The following ERICH1 variants were observed in gnomAD, a reference collection of about 807,000 sequenced individuals.
ERICH1 encodes the protein glutamate-rich protein 1.
A neutral mutation model predicts 39.6 loss-of-function variants in ERICH1; 56 were observed. The observed-to-expected ratio is 1.41, with a 90% confidence interval of 1.14 to 1.77. The LOEUF is 1.77. Among genes scored for constraint, ERICH1 ranks in the 40% most tolerant of loss-of-function variants. ERICH1 has a pLI of 0.00. For synonymous variants in ERICH1, 313 were observed against 223.6 expected, an observed-to-expected ratio of 1.40 and a Z score of -3.57; for missense variants, 826 against 575.4, an observed-to-expected ratio of 1.44 and a Z score of -4.45.
rs949825696 is a variant in ERICH1 at position 674,192 on chromosome 8, C to G, written c.305-145G>C. 9.6e-6 allele frequency: 9 copies of G among 935,078 alleles called. No homozygotes were observed. The African/African-American group carries it at 1.4e-4, about 14-fold the overall frequency. 57.9% of individuals were successfully genotyped at this position (935,078 alleles called of 1,614,324 possible). ...TTACTTCGGTGATTCTCAACTTTAC[C>G]ATCAAAGATCCTAGGACTAACGTAA... On this transcript the variant is annotated intron_variant, in intron 3 of 5. Transcript: ENST00000262109.
intron 3 of ERICH1, among the ~76,000 whole-genome samples, chr8:637,825 C>T (rs1798563146): frequency 1.3e-5 from 2 of 152,202 alleles, no homozygotes; most frequent in African/African-American, 2.4e-5. Context: ...GTCCAGACCC[C>T]GCTGTAGTCA....
intron 3 of ERICH1, among the ~76,000 whole-genome samples, chr8:625,341 C>G (rs936635204): frequency 2.6e-5 from 4 of 152,110 alleles, no homozygotes; most frequent in African/African-American, 9.7e-5. Flanking sequence ...AACCCTGAAA[C>G]CACGACGCTG....
intron 3 of ERICH1, among the ~76,000 whole-genome samples, chr8:634,180 A>AAAACAAAC (rs1798244015): frequency 1.1e-5 from 1 of 91,256 alleles, no homozygotes; most frequent in African/African-American, 4.2e-5. Context: ...AAAAAAAAAA[A>AAAACAAAC]AAAAAACAAA....
intron 2 of ERICH1, among the ~76,000 whole-genome samples, chr8:700,291 G>A (rs1267934159): frequency 5.4e-5 from 3 of 55,166 alleles, no homozygotes; most frequent in East Asian, 5.0e-4. Context: ...ACCCGCACAG[G>A]CCCGGACACG....
chr8:623,745 A>G (rs531372513), intron 3 of ERICH1, among the ~76,000 whole-genome samples: 4 of 152,214 alleles, frequency 2.6e-5, no homozygotes, highest in Non-Finnish European at 5.9e-5. Flanking sequence ...TAACACAAAG[A>G]CTAACTCAAA....
At chr8:616,018 G>C (rs1195442038) in intron 3 of ERICH1, 1 of 153,438 alleles carries the variant, frequency 6.5e-6, no homozygotes, top group East Asian at 1.9e-4. Context: ...AACTGTTGGA[G>C]ACACACACAC....
At position 651,837 on chromosome 8, in the gene ERICH1, G is replaced by GGAAA. The variant is rs140944079; in HGVS notation, c.976+16757_976+16760dup. ...GTCAACTCTACTCGGAAATCGGTGA[G>GGAAA]GAAAGGGACTGACTTCAGCAGTTCC... On this transcript the variant is annotated intron_variant, in intron 3 of 3. Transcript: ENST00000522706. 7.2e-4 allele frequency among the ~76,000 whole-genome samples: 109 copies of GGAAA among 152,266 alleles called. 1 individual carries two copies. Among genetic ancestry groups the GGAAA allele is most frequent in the African/African-American group, 2.6e-3 (107 of 41,550 alleles).
intron 2 of ERICH1, among the ~76,000 whole-genome samples, chr8:712,474 G>A (rs1453605877): frequency 6.6e-6 from 1 of 152,156 alleles, no homozygotes; most frequent in African/African-American, 2.4e-5. Context: ...CTGTTGCCCA[G>A]GCTGGAGTGC....
intron 3 of ERICH1, among the ~76,000 whole-genome samples, chr8:640,017 G>A (rs930156693): frequency 2.0e-5 from 3 of 152,170 alleles, no homozygotes; most frequent in Non-Finnish European, 4.4e-5. Flanking sequence ...GTGTGTGCCC[G>A]TGACATGTCC....
At chr8:634,201 C>T (rs1017241898) in intron 3 of ERICH1, among the ~76,000 whole-genome samples, 17 of 106,372 alleles carry the variant, frequency 1.6e-4, no homozygotes, top group African/African-American at 5.6e-4. Flanking sequence ...CAAAAAAAAC[C>T]CTGATTCAAA....
chr8:627,956 A>T (rs1233930317), intron 3 of ERICH1, among the ~76,000 whole-genome samples: 1 of 152,126 alleles, frequency 6.6e-6, no homozygotes, highest in African/African-American at 2.4e-5. Flanking sequence ...GGGGCCTGGA[A>T]CGTGCTGAGA....
At chr8:678,793 G>A (rs775417452) in intron 3 of ERICH1, among the ~76,000 whole-genome samples, 22 of 152,144 alleles carry the variant, frequency 1.4e-4, no homozygotes, top group Non-Finnish European at 2.6e-4. Context: ...GGGTGACAGC[G>A]CGAGACTCCA....
chr8:690,544 C>T lies in ERICH1; in HGVS notation c.304+1934G>A, dbSNP rs977664094. 2.0e-5 allele frequency among the ~76,000 whole-genome samples: 3 copies of T among 152,240 alleles called. No individual in the cohort carries two copies. In the East Asian group the frequency reaches 5.8e-4, roughly 29 times the overall value. On this transcript the variant is annotated intron_variant, in intron 3 of 5. Transcript: ENST00000262109. ...GCCGCTGCGGGGGCCTAGATGGCCTCCGGGAGGGTGGAAACCAAGTCTCAG... is the reference window on the plus strand; with the variant it reads ...GCCGCTGCGGGGGCCTAGATGGCCTTCGGGAGGGTGGAAACCAAGTCTCAG...
intron 3 of ERICH1, chr8:640,759 C>G (rs946585904): frequency 6.6e-6 from 1 of 152,186 alleles, no homozygotes; most frequent in Non-Finnish European, 1.5e-5. Context: ...GGGGATGGAC[C>G]TGGAATACTT....
chr8:726,350 G>A lies in ERICH1; in HGVS notation c.22+4790C>T, dbSNP rs181893830. Among the ~76,000 whole-genome samples the A allele has an allele frequency of 3.6e-3, 545 of 151,456 alleles. 3 individuals are homozygous for A. Among genetic ancestry groups the A allele is most frequent in the African/African-American group, 0.011 (437 of 41,270 alleles). On this transcript the variant is annotated intron_variant, in intron 1 of 5. Transcript: ENST00000262109. ...GTATGCAGGCACACAACACACAGGCGCACATGCATACACAGGCGCACATGC... is the reference window on the plus strand; with the variant it reads ...GTATGCAGGCACACAACACACAGGCACACATGCATACACAGGCGCACATGC...
chr8:656,728 G>C, intron 3 of ERICH1: 1 of 984,040 alleles, frequency 1.0e-6, no homozygotes, highest in Non-Finnish European at 1.2e-6. Flanking sequence ...GCAGGTCTGG[G>C]AAGAACATTT....
At chr8:674,978 G>C (rs1481759176) in intron 3 of ERICH1, among the ~76,000 whole-genome samples, 1 of 152,228 alleles carries the variant, frequency 6.6e-6, no homozygotes, top group Non-Finnish European at 1.5e-5. Flanking sequence ...TGGTGTTGCG[G>C]AACAGAAGAG....
chr8:710,645 G>C (rs992487542), intron 2 of ERICH1, among the ~76,000 whole-genome samples: 1 of 152,162 alleles, frequency 6.6e-6, no homozygotes, highest in African/African-American at 2.4e-5. Context: ...TTTTCAGATC[G>C]GTTTCTTTCA....
At chr8:656,965 T>C (rs1162567828) in intron 3 of ERICH1, 2 of 545,890 alleles carry the variant, frequency 3.7e-6, no homozygotes, top group East Asian at 1.4e-4. Flanking sequence ...AAAATAATTT[T>C]TAAGAGCAAA....
Sources: allele counts gnomAD v4.1 joint callset (sites outside exome capture counted in the v4.1 genomes callset), GRCh38; gene constraint gnomAD v4.1.1; transcripts MANE v1.5; gene names NCBI Gene and HGNC (gene_info 2026-07-23, HGNC 2026-07-21).